The following MTUS2 variants were observed in gnomAD, a reference collection of about 807,000 sequenced individuals.
The protein encoded by MTUS2 is microtubule-associated tumor suppressor candidate 2.
MTUS2 carries 40 observed loss-of-function variants against 114.1 expected under a neutral mutation model. The observed-to-expected ratio is 0.35, with a 90% confidence interval of 0.27 to 0.46. MTUS2 has a LOEUF of 0.46. Among genes scored for constraint, MTUS2 ranks in the 20% least tolerant of loss-of-function variants. The pLI, the probability that MTUS2 is intolerant of heterozygous loss-of-function variation, is 1.00. For synonymous variants in MTUS2, 688 were observed against 672.0 expected, an observed-to-expected ratio of 1.02 and a Z score of -0.37; for missense variants, 1,679 against 1,705.4, an observed-to-expected ratio of 0.98 and a Z score of 0.27.
intron 8 of MTUS2, among the ~76,000 whole-genome samples, chr13:29,429,086 T>G (rs1189036036): frequency 6.6e-6 from 1 of 152,250 alleles, no homozygotes; most frequent in Non-Finnish European, 1.5e-5. Context: ...TGGTCTCACA[T>G]ACTCTGCAGT....
intron 2 of MTUS2, among the ~76,000 whole-genome samples, chr13:28,937,387 C>T (rs1444371389): frequency 6.6e-6 from 1 of 151,998 alleles, no homozygotes; most frequent in Non-Finnish European, 1.5e-5. Context: ...GGGCAGGGGA[C>T]AATTAAGGGA....
In MTUS2 at chr13:29,496,609, C is replaced by G. The variant is rs1013716636; in HGVS notation, c.3580-629C>G. 1.3e-5 allele frequency among the ~76,000 whole-genome samples: 2 copies of G among 152,162 alleles called. No individual in the cohort carries two copies. Among genetic ancestry groups the G allele is most frequent in the Admixed American group, 6.5e-5 (1 of 15,278 alleles). On this transcript the variant is annotated intron_variant, in intron 12 of 15. Coordinates refer to ENST00000612955, the MANE Select transcript of MTUS2 (RefSeq NM_001033602.4). The surrounding 1 kb of genome is among the most constrained non-coding windows in gnomAD (Gnocchi z 4.3). ...TTTGCACATTAGAAAGAGTGCCTGA[C>G]TGCAGTGTGAGGGCAAAAGAGTGGT...
chr13:29,015,039 C>T (rs1440199992), intron 2 of MTUS2, among the ~76,000 whole-genome samples: 2 of 152,152 alleles, frequency 1.3e-5, no homozygotes, highest in Non-Finnish European at 2.9e-5. Context: ...CTAGAGGCCA[C>T]CCACTTGCTG....
At chr13:29,090,905 T>C (rs1022327766) in intron 4 of MTUS2, among the ~76,000 whole-genome samples, 1 of 152,192 alleles carries the variant, frequency 6.6e-6, no homozygotes, top group Non-Finnish European at 1.5e-5. Context: ...CAGGCAGTTC[T>C]CCCCATGAAT....
At chr13:29,065,845 G>T (rs1272090457) in intron 4 of MTUS2, among the ~76,000 whole-genome samples, 1 of 152,108 alleles carries the variant, frequency 6.6e-6, no homozygotes, top group Non-Finnish European at 1.5e-5. Flanking sequence ...GCACTTGATT[G>T]TTAAAAGTAC....
intron 9 of MTUS2, among the ~76,000 whole-genome samples, chr13:29,471,677 C>T (rs187784351): frequency 6.6e-6 from 1 of 151,348 alleles, no homozygotes; most frequent in Non-Finnish European, 1.5e-5. Context: ...ATGGAGGCCC[C>T]CACTGGAGGC....
chr13:29,142,429 C>A (rs540114955), intron 5 of MTUS2, among the ~76,000 whole-genome samples: 9 of 152,216 alleles, frequency 5.9e-5, no homozygotes, highest in African/African-American at 2.2e-4. Context: ...TGAGACTGGG[C>A]GTGGTGGCTC....
chr13:29,352,715 G>A (rs1247074818), intron 7 of MTUS2, among the ~76,000 whole-genome samples: 1 of 152,102 alleles, frequency 6.6e-6, no homozygotes, highest in Admixed American at 6.5e-5. Context: ...ATATTCTGTT[G>A]TATGGATATA....
chr13:29,480,344 C>T lies in MTUS2; in HGVS notation c.3379C>T (p.Arg1127Trp), dbSNP rs376426921. The T allele has an allele frequency of 5.8e-6, 9 of 1,541,026 alleles. No homozygotes were observed. The highest frequency in any genetic ancestry group is 2.3e-4 in the Middle Eastern group (1 of 4,428). ...EEHGDQLLSI[R>W]CQHQEQVEDL... ...GCACGGTGACCAGCTGCTGAGCATC[C>T]GGTGTCAACACCAGGAGCAGGTCAG... Residue 1127 changes from arginine to tryptophan, a missense_variant, in exon 10 of 16, where the codon CGG (arginine) becomes TGG (tryptophan). Coordinates refer to ENST00000612955, the MANE Select transcript of MTUS2 (RefSeq NM_001033602.4). The surrounding 1 kb of genome is among the most constrained non-coding windows in gnomAD (Gnocchi z 4.4).
intron 5 of MTUS2, among the ~76,000 whole-genome samples, chr13:29,213,505 A>C (rs368607472): frequency 1.3e-5 from 2 of 152,174 alleles, no homozygotes; most frequent in Non-Finnish European, 2.9e-5. Flanking sequence ...TTTCCTCCAT[A>C]TATTCTGAAG....
chr13:29,442,916 T>C (rs892003636), intron 9 of MTUS2, among the ~76,000 whole-genome samples: 3 of 122,152 alleles, frequency 2.5e-5, no homozygotes, highest in Non-Finnish European at 5.0e-5. Flanking sequence ...TTTCCTCCTC[T>C]TTTAGCAAGA....
intron 2 of MTUS2, among the ~76,000 whole-genome samples, chr13:28,877,561 A>G (rs7992387): frequency 0.088 from 13,317 of 152,162 alleles, 1,892 homozygotes; most frequent in African/African-American, 0.3. Flanking sequence ...TAGTCATGGC[A>G]TATGGTAGGA....
At chr13:29,053,106 G>A (rs1187616034) in intron 4 of MTUS2, among the ~76,000 whole-genome samples, 1 of 151,996 alleles carries the variant, frequency 6.6e-6, no homozygotes, top group African/African-American at 2.4e-5. Flanking sequence ...ATTCTTCATA[G>A]CAGCGTGAGA....
At chr13:29,331,823 G>A (rs567285254) in intron 7 of MTUS2, among the ~76,000 whole-genome samples, 1 of 152,244 alleles carries the variant, frequency 6.6e-6, no homozygotes, top group South Asian at 2.1e-4. Flanking sequence ...TAATCATGTG[G>A]TTTTTGTCAT....
chr13:29,178,982 C>T (rs1265059797), intron 5 of MTUS2, among the ~76,000 whole-genome samples: 1 of 152,130 alleles, frequency 6.6e-6, no homozygotes, highest in East Asian at 1.9e-4. Context: ...GTGAACTCTC[C>T]AAGTAGAAGC....
In MTUS2 at chr13:29,024,988, A is replaced by G. The variant is rs1833808226; in HGVS notation, c.290A>G (p.Asp97Gly). 3 of 1,613,384 alleles carry G rather than the reference A, an allele frequency of 1.9e-6. No homozygotes were observed. The highest frequency in any genetic ancestry group is 1.3e-5 in the African/African-American group (1 of 74,822). The change falls in exon 3 of 16, where the codon GAT (aspartate) becomes GGT (glycine). Residue 97 changes from aspartate (D) to glycine (G), a missense_variant. Transcript: ENST00000612955. ...GSQAGSASLKDFRLSSTIQRE... is the reference protein window; with the variant it reads ...GSQAGSASLKGFRLSSTIQRE... ...CAGGCTGGCTCTGCCAGCCTGAAAG[A>G]TTTTAGACTTTCTTCAACCATTCAG...
chr13:29,011,051 G>A (rs1885819438), intron 2 of MTUS2, among the ~76,000 whole-genome samples: 1 of 152,126 alleles, frequency 6.6e-6, no homozygotes, highest in African/African-American at 2.4e-5. Flanking sequence ...ACATGTAAGA[G>A]GATGTGACTG....
chr13:28,841,520 A>G (rs2137988325), intron 2 of MTUS2, among the ~76,000 whole-genome samples: 1 of 152,186 alleles, frequency 6.6e-6, no homozygotes, highest in Admixed American at 6.5e-5. Context: ...GAAGGAAGAG[A>G]TGACATGTGG....
chr13:29,306,691 A>G (rs1307126851), intron 6 of MTUS2: 1 of 262,444 alleles, frequency 3.8e-6, no homozygotes, highest in Non-Finnish European at 7.7e-6. Context: ...AAGAATCAAT[A>G]TCATGAAAAT....
Sources: allele counts gnomAD v4.1 joint callset (sites outside exome capture counted in the v4.1 genomes callset), GRCh38; gene constraint gnomAD v4.1.1; non-coding constraint Gnocchi (gnomAD v3.1); transcripts MANE v1.5; gene names NCBI Gene and HGNC (gene_info 2026-07-23, HGNC 2026-07-21).